The following UBA2 variants were observed in gnomAD, a reference collection of about 807,000 sequenced individuals.
UBA2 encodes SUMO-activating enzyme subunit 2.
A neutral mutation model predicts 77.2 loss-of-function variants in UBA2; 11 were observed. That is an observed-to-expected ratio of 0.14 (90% CI 0.09 to 0.24). UBA2 has a LOEUF of 0.24. UBA2 is among the 10% of genes least tolerant of loss of function. The pLI, the probability that UBA2 is intolerant of heterozygous loss-of-function variation, is 1.00. For missense variants in UBA2, 487 were observed against 781.7 expected (o/e 0.62, Z 4.50); for synonymous variants, 278 against 276.7 (o/e 1.00, Z -0.05).
At chr19:34,435,649 GT>G (rs2075300293) in intron 5 of UBA2, among the ~76,000 whole-genome samples, 1 of 151,886 alleles carries the variant, frequency 6.6e-6, no homozygotes, top group Non-Finnish European at 1.5e-5. Context: ...CTCCAATGTA[GT>G]GAAACCACGT....
At chr19:34,452,912 GTC>G (rs940382881) in intron 10 of UBA2, among the ~76,000 whole-genome samples, 1 of 152,168 alleles carries the variant, frequency 6.6e-6, no homozygotes, top group African/African-American at 2.4e-5. Flanking sequence ...ATAAACATTA[GTC>G]TCTTGGGTTT....
chr19:34,439,948 G>C (rs933140691), intron 6 of UBA2, among the ~76,000 whole-genome samples: 1 of 152,024 alleles, frequency 6.6e-6, no homozygotes, highest in African/African-American at 2.4e-5. Context: ...AGATTAAATA[G>C]GCTATAAGAA....
At chr19:34,439,949 G>A (rs2075350436) in intron 6 of UBA2, among the ~76,000 whole-genome samples, 2 of 151,918 alleles carry the variant, frequency 1.3e-5, no homozygotes, top group South Asian at 4.1e-4. Flanking sequence ...GATTAAATAG[G>A]CTATAAGAAA....
chr19:34,438,766 A>G lies in UBA2; in HGVS notation c.581A>G (p.Asn194Ser), dbSNP rs867706569. Residue 194 changes from asparagine (N) to serine (S), a missense_variant and splice_region_variant, in exon 6 of 17, where the codon AAC becomes AGC. Physicochemically the swap from Asn to Ser is conservative, Grantham distance 46 (BLOSUM62 1). Transcript: ENST00000246548. ...ATCGTTTGGGCAAAGTACTTGTTCA[A>G]GTAAGAGTGTATATTTCTTGGCATG... is the stretch of plus-strand genomic sequence containing the variant. ...HCIVWAKYLF[N>S]QLFGEEDADQ... is the part of the protein sequence containing the mutation. The G allele has an allele frequency of 4.3e-6, 7 of 1,612,738 alleles. No homozygotes were observed. The African/African-American group carries it at 6.7e-5, about 15-fold the overall frequency.
chr19:34,452,226 AT>A, intron 10 of UBA2, 79 bp downstream of exon 10: 1 of 1,201,536 alleles, frequency 8.3e-7, no homozygotes, highest in Non-Finnish European at 1.1e-6. Flanking sequence ...GAAGCTAGTC[AT>A]TTTTTGAATA....
intron 8 of UBA2, among the ~76,000 whole-genome samples, chr19:34,448,275 GTA>G (rs2075452875): frequency 6.6e-6 from 1 of 152,130 alleles, no homozygotes; most frequent in Non-Finnish European, 1.5e-5. Context: ...GACTTTGCAT[GTA>G]TATGGTGAAG....
At chr19:34,460,358 C>A in intron 13 of UBA2, 112 bp from the exon 14 acceptor site, 1 of 733,042 alleles carries the variant, frequency 1.4e-6, no homozygotes, top group East Asian at 2.7e-5. Flanking sequence ...GTGACTTCGC[C>A]GGTTTCCAAT....
intron 5 of UBA2, among the ~76,000 whole-genome samples, chr19:34,437,067 G>C (rs2075316494): frequency 6.6e-6 from 1 of 152,002 alleles, no homozygotes; most frequent in Admixed American, 6.6e-5. Flanking sequence ...CTCTAAATCT[G>C]CTGCAATTTA....
Position 34,455,531 on chromosome 19 carries a change from T to C in UBA2, c.1245+975T>C, listed in dbSNP as rs202233619. Among the ~76,000 whole-genome samples the C allele has an allele frequency of 2.6e-5, 4 of 152,330 alleles. No individual in the cohort carries two copies. In the East Asian group the frequency reaches 7.7e-4, roughly 29 times the overall value. ...ATACTAGCCAATACTTTGACTGTTG[T>C]TTAGGTTCTCCTTTTTATCATTGAA... is the stretch of plus-strand genomic sequence containing the variant. On this transcript the variant is annotated intron_variant, in intron 12 of 16. Transcript: ENST00000246548.
intron 1 of UBA2, chr19:34,428,812 G>A: frequency 1.7e-6 from 2 of 1,154,934 alleles, no homozygotes; most frequent in Non-Finnish European, 2.1e-6. Context: ...GCGGGCCCCC[G>A]CCTCCCCGGC....
intron 10 of UBA2, 133 bp from the exon 11 acceptor site, chr19:34,454,126 CT>C: frequency 1.3e-6 from 1 of 798,682 alleles, no homozygotes; most frequent in South Asian, 1.8e-5. Flanking sequence ...GCTGACTGGT[CT>C]TTCCCTCAGC....
At chr19:34,442,077 A>T (rs1015821237) in intron 6 of UBA2, among the ~76,000 whole-genome samples, 2 of 152,010 alleles carry the variant, frequency 1.3e-5, no homozygotes, top group African/African-American at 4.8e-5. Flanking sequence ...ACTACAAAAA[A>T]TTTAAAAATT....
At chr19:34,458,989 C>T (rs1164138251) in intron 13 of UBA2, 65 bp downstream of exon 13, 15 of 1,455,024 alleles carry the variant, frequency 1.0e-5, no homozygotes, top group Non-Finnish European at 1.4e-5. Flanking sequence ...GACAAACAAA[C>T]ACTAGCTGCT....
At chr19:34,466,788 T>C in intron 15 of UBA2, 90 bp from the exon 16 acceptor site, 1 of 1,131,066 alleles carries the variant, frequency 8.8e-7, no homozygotes, top group South Asian at 1.3e-5. Flanking sequence ...GGTGTATACA[T>C]AGTGTATGCT....
At chr19:34,443,751 C>CTT in intron 6 of UBA2, 93 bp from the exon 7 acceptor site, 1 of 932,152 alleles carries the variant, frequency 1.1e-6, no homozygotes, top group East Asian at 2.5e-5. Flanking sequence ...GTTGTTCAGT[C>CTT]TTTATCTCTG....
intron 2 of UBA2, 97 bp from the exon 3 acceptor site, chr19:34,431,764 G>T: frequency 9.8e-7 from 1 of 1,021,424 alleles, no homozygotes; most frequent in East Asian, 2.4e-5. Context: ...TATAAATAAG[G>T]TACTATGTAA....
chr19:34,460,673 G>T (rs2075621278), intron 14 of UBA2, 107 bp downstream of exon 14: 1 of 774,798 alleles, frequency 1.3e-6, no homozygotes, highest in Non-Finnish European at 2.0e-6. Context: ...GCAGAGAGTG[G>T]CAGTGTTTGG....
intron 5 of UBA2, among the ~76,000 whole-genome samples, chr19:34,435,399 A>G (rs1255850128): frequency 1.3e-5 from 2 of 152,206 alleles, no homozygotes; most frequent in Non-Finnish European, 2.9e-5. Context: ...CTCTGTCTCA[A>G]AAAACAAACT....
intron 16 of UBA2, among the ~76,000 whole-genome samples, chr19:34,468,750 C>G (rs113140130): frequency 2.6e-5 from 4 of 152,306 alleles, no homozygotes; most frequent in African/African-American, 9.6e-5. Flanking sequence ...AGAATATGTA[C>G]CCTCTGCTTT....
Sources: allele counts gnomAD v4.1 joint callset (sites outside exome capture counted in the v4.1 genomes callset), GRCh38; gene constraint gnomAD v4.1.1; transcripts MANE v1.5; gene names NCBI Gene and HGNC (gene_info 2026-07-23, HGNC 2026-07-21).